ZNF208: variants seen among roughly 807,000 people sequenced by gnomAD.
The protein encoded by ZNF208 is zinc finger protein 95.
In ZNF208, 10 loss-of-function variants were observed where a neutral mutation model predicts 12.1. The ratio of observed to expected loss-of-function variants is 0.83; its 90% CI spans 0.51 to 1.40. The LOEUF (loss-of-function observed/expected upper bound fraction) is 1.40. Among genes scored for constraint, ZNF208 ranks in the 40% most tolerant of loss-of-function variants. ZNF208 has a pLI of 0.00. For missense variants in ZNF208, 1,652 were observed against 1,485.0 expected, an observed-to-expected ratio of 1.11 and a Z score of -1.85; for synonymous variants, 497 against 488.4, an observed-to-expected ratio of 1.02 and a Z score of -0.23.
rs748397044 is a variant in ZNF208 at position 21,974,797 on chromosome 19, A to G, written c.237T>C (p.Ser79=). The part of the protein sequence containing the change: ...EMVEESPVIC[S]HFAQDLWPEQ... ...CTGGCCAAAGATCTTGAGCAAAATG[A>G]GAACATATAACTGAAAAGAAATAAA... is the stretch of plus-strand genomic sequence containing the variant. Residue 79 remains serine, a synonymous_variant, in exon 4 of 4, where the codon TCT becomes TCC. Transcript: ENST00000397126. 1.8e-5 allele frequency: 28 copies of G among 1,555,468 alleles called. 1 individual carries two copies. In the Middle Eastern group the frequency reaches 5.2e-4, roughly 29 times the overall value.
chr19:21,954,352 A>T (rs1200480525), intron 4 of ZNF208, among the ~76,000 whole-genome samples: 1 of 152,132 alleles, frequency 6.6e-6, no homozygotes, highest in Admixed American at 6.6e-5. Context: ...TATTAGGTCC[A>T]CTTGTTGCAG....
rs1392709802 is a variant in ZNF208, at chr19:21,974,352, G to T, written c.682C>A (p.Pro228Thr). 7 of 1,613,716 alleles carry T rather than the reference G, an allele frequency of 4.3e-6. No homozygotes were observed. The highest frequency in any genetic ancestry group is 5.9e-6 in the Non-Finnish European group (7 of 1,179,780). The change falls in exon 4 of 4, where the codon CCC (proline) becomes ACC (threonine). Residue 228 changes from proline to threonine, a missense_variant. Coordinates refer to ENST00000397126, the MANE Select transcript of ZNF208 (RefSeq NM_007153.3). ...TTGCCACATTCTTTACATCTGTAGG[G>T]TTTCTCTCCAGTATGAGCACTCTTA... ...YYKSAHTGEK[P>T]YRCKECGKAF...
Position 21,974,315 on chromosome 19 carries a change from T to C in ZNF208, c.719A>G (p.Lys240Arg). The change falls in exon 4 of 4, where the codon AAG becomes AGG. Residue 240 changes from lysine (K) to arginine (R), a missense_variant. Physicochemically the swap from Lys to Arg is conservative, Grantham distance 26. This residue lies in a region of ZNF208 where 410 missense variants were observed against 378.2 expected (regional missense o/e 1.08). Coordinates refer to ENST00000397126, the MANE Select transcript of ZNF208 (RefSeq NM_007153.3). Reference protein sequence around the residue: ...RCKECGKAFSKFSILTKHKVI... With the variant: ...RCKECGKAFSRFSILTKHKVI... Reference sequence around the variant, plus strand: ...CTTATGTTTAGTAAGGATTGAGAACTTACTAAAGGCTTTGCCACATTCTTT... The same window carrying C: ...CTTATGTTTAGTAAGGATTGAGAACCTACTAAAGGCTTTGCCACATTCTTT... 2 of 1,613,336 alleles carry C rather than the reference T, an allele frequency of 1.2e-6. No individual in the cohort carries two copies. The highest frequency in any genetic ancestry group is 1.7e-6 in the Non-Finnish European group (2 of 1,179,652).
intron 1 of ZNF208, among the ~76,000 whole-genome samples, chr19:21,996,280 AAC>A (rs1301196086): frequency 1.3e-5 from 2 of 152,200 alleles, no homozygotes; most frequent in African/African-American, 4.8e-5. Flanking sequence ...AAAAAAGAGG[AAC>A]AGTGAGTGAG....
At position 21,968,524 on chromosome 19, in the gene ZNF208, T is replaced by C. The variant is rs1970214468; in HGVS notation, c.*2667A>G. 1 of 152,266 alleles carries C rather than the reference T, an allele frequency of 6.6e-6. No homozygotes were observed. Among genetic ancestry groups the C allele is most frequent in the African/African-American group, 2.4e-5 (1 of 41,572 alleles). The allele number at this position is 152,266 out of a possible 1,614,324, so 9.4% of individuals were successfully genotyped here. The stretch of plus-strand genomic sequence containing the variant: ...TTCCATATCATGAAACACCTTCATA[T>C]ATATGGAAAAGCTCACATTAATGTA... On this transcript the variant is annotated 3_prime_UTR_variant, in exon 4 of 4. Coordinates refer to ENST00000397126, the MANE Select transcript of ZNF208 (RefSeq NM_007153.3).
chr19:21,995,172 G>T (rs974558482), intron 1 of ZNF208, among the ~76,000 whole-genome samples: 93 of 152,098 alleles, frequency 6.1e-4, no homozygotes, highest in African/African-American at 2.1e-3. Context: ...GGCTGGTCTC[G>T]AACTCCTGAC....
Position 21,970,740 on chromosome 19 carries a change from TG to T in ZNF208, c.*450del, listed in dbSNP as rs771876706. On this transcript the variant is annotated 3_prime_UTR_variant, in exon 4 of 4. Coordinates refer to ENST00000397126, the MANE Select transcript of ZNF208 (RefSeq NM_007153.3). ...TCTTATGTGTAGGAGGGTTGGGAAC[TG>T]TTTAAAAGCTTTGCCAAATTCTTCA... 3 of 1,290,576 alleles carry T rather than the reference TG, an allele frequency of 2.3e-6. No homozygotes were observed. The South Asian group carries it at 3.6e-5, about 15-fold the overall frequency. The allele number at this position is 1,290,576 out of a possible 1,614,324, so 79.9% of individuals were successfully genotyped here.
intron 3 of ZNF208, among the ~76,000 whole-genome samples, chr19:21,975,386 C>G (rs1283314553): frequency 2.6e-5 from 4 of 151,996 alleles, no homozygotes; most frequent in Non-Finnish European, 4.4e-5. Context: ...CCAGATGTAC[C>G]AAGTGATTAC....
At chr19:21,948,773 T>TTGC (rs1969850448) in intron 4 of ZNF208, among the ~76,000 whole-genome samples, 2 of 138,028 alleles carry the variant, frequency 1.4e-5, no homozygotes, top group South Asian at 4.5e-4. Flanking sequence ...AAGAAACAAG[T>TTGC]AGCCTTACAG....
rs1376507198 is a variant in ZNF208, at chr19:21,973,297, T to C, written c.1737A>G (p.Lys579=). ...SYHKKIHTVE[K]PYKCEECGKA... Reference sequence around the variant, plus strand: ...TGCCACATTCTTCACATTTGTAGGGTTTCTCTACAGTATGAATTTTCTTAT... The same window carrying C: ...TGCCACATTCTTCACATTTGTAGGGCTTCTCTACAGTATGAATTTTCTTAT... The change falls in exon 4 of 4, where the codon AAA becomes AAG. Residue 579 remains lysine (K), a synonymous_variant. Coordinates refer to ENST00000397126, the MANE Select transcript of ZNF208 (RefSeq NM_007153.3). 6.2e-7 allele frequency: 1 copy of C among 1,610,496 alleles called. No individual in the cohort carries two copies. The highest frequency in any genetic ancestry group is 1.7e-5 in the Admixed American group (1 of 59,834).
rs147587780 is a variant in ZNF208 at position 22,002,309 on chromosome 19, C to G, written c.3+8483G>C. 1.7e-3 allele frequency among the ~76,000 whole-genome samples: 252 copies of G among 152,286 alleles called. 4 individuals are homozygous for G. In the East Asian group the frequency reaches 0.046, roughly 28 times the overall value. ...AAGACAAGGATGCCTTCTCTCAACA[C>G]TCCTATATTCAATATAAAATTGGTA... On this transcript the variant is annotated intron_variant, in intron 1 of 3. Coordinates refer to ENST00000397126, the MANE Select transcript of ZNF208 (RefSeq NM_007153.3).
intron 4 of ZNF208, among the ~76,000 whole-genome samples, chr19:21,949,006 G>C (rs1969855018): frequency 6.6e-6 from 1 of 152,160 alleles, no homozygotes; most frequent in African/African-American, 2.4e-5. Flanking sequence ...CCACAATCAA[G>C]CATGTTAATT....
intron 3 of ZNF208, among the ~76,000 whole-genome samples, chr19:21,979,008 C>A (rs1273239830): frequency 1.3e-5 from 2 of 151,970 alleles, no homozygotes; most frequent in Middle Eastern, 3.2e-3. Flanking sequence ...TGAAATAAAG[C>A]AAGAAGACAA....
intron 4 of ZNF208, among the ~76,000 whole-genome samples, chr19:21,957,608 C>T (rs374692085): frequency 2.2e-4 from 33 of 152,126 alleles, no homozygotes; most frequent in East Asian, 2.1e-3. Context: ...TTAACCAACT[C>T]ACAGGTATTT....
downstream of ZNF208, among the ~76,000 whole-genome samples, chr19:21,962,092 C>A (rs996917407): frequency 2.0e-5 from 3 of 152,138 alleles, no homozygotes; most frequent in African/African-American, 7.2e-5. Context: ...GAAGTAAAGA[C>A]AGGCATAAGA....
chr19:21,982,166 G>A (rs1261482041), intron 3 of ZNF208, among the ~76,000 whole-genome samples: 3 of 151,876 alleles, frequency 2.0e-5, no homozygotes, highest in Non-Finnish European at 4.4e-5. Context: ...GATCATCCTG[G>A]CTAACACTGT....
chr19:22,009,043 A>C (rs1971098007), intron 1 of ZNF208, among the ~76,000 whole-genome samples: 1 of 152,178 alleles, frequency 6.6e-6, no homozygotes, highest in African/African-American at 2.4e-5. Flanking sequence ...ATCTCCCTAT[A>C]AAGTTTCCAA....
intron 4 of ZNF208, among the ~76,000 whole-genome samples, chr19:21,945,464 AT>A (rs1326607367): frequency 1.3e-5 from 2 of 152,030 alleles, no homozygotes; most frequent in African/African-American, 4.8e-5. Context: ...TGTTATCAAC[AT>A]TTTTTCTCTT....
Position 21,973,453 on chromosome 19 carries a change from A to T in ZNF208, c.1581T>A (p.Cys527Ter). The change falls in exon 4 of 4, where the codon TGT becomes TGA. Residue 527 changes from cysteine (C) to a stop codon, truncating the protein, a stop_gained. Transcript: ENST00000397126. LOFTEE classifies it low-confidence loss of function (END_TRUNC). Reference sequence around the variant, plus strand: ...TACTGAAGCTTTTGCCACATTCTTCACATTTGTAGGGTTTCTCTCCAGTAT... The same window carrying T: ...TACTGAAGCTTTTGCCACATTCTTCTCATTTGTAGGGTTTCTCTCCAGTAT... ...RIHTGEKPYK[C>*]EECGKSFSTF... 1.2e-6 allele frequency: 2 copies of T among 1,613,096 alleles called. No individual in the cohort carries two copies. The highest frequency in any genetic ancestry group is 1.7e-6 in the Non-Finnish European group (2 of 1,179,860).
Sources: gnomAD v4.1 joint callset for allele counts (sites outside exome capture counted in the v4.1 genomes callset) on GRCh38, gnomAD v4.1.1 for gene constraint, gnomAD v4.1.1 regional missense constraint, MANE v1.5 for transcripts, NCBI Gene and HGNC (gene_info 2026-07-23, HGNC 2026-07-21) for gene names.